Variants in SLC25A13 observed in about 807,000 individuals in gnomAD.
SLC25A13 encodes solute carrier family 25 member 13.
Under a neutral mutation model 85.5 loss-of-function variants are expected in SLC25A13, and 70 were observed. That is an observed-to-expected ratio of 0.82 (90% CI 0.68 to 1.00). SLC25A13 has a LOEUF of 1.00. Among genes scored for constraint, SLC25A13 ranks in the 50% least tolerant of loss-of-function variants. The pLI, the probability that SLC25A13 is intolerant of heterozygous loss-of-function variation, is 0.00. For missense variants in SLC25A13, 765 were observed against 819.8 expected (o/e 0.93, Z 0.82); for synonymous variants, 259 against 288.7 (o/e 0.90, Z 1.04).
intron 4 of SLC25A13, among the ~76,000 whole-genome samples, chr7:96,220,782 C>G (rs1011421524): frequency 6.6e-6 from 1 of 152,150 alleles, no homozygotes; most frequent in Non-Finnish European, 1.5e-5. Flanking sequence ...CATACACACA[C>G]ACACATGCAC....
intron 5 of SLC25A13, among the ~76,000 whole-genome samples, chr7:96,200,779 T>A (rs1035340606): frequency 6.6e-6 from 1 of 152,196 alleles, no homozygotes; most frequent in Non-Finnish European, 1.5e-5. Flanking sequence ...AGATGCTGTA[T>A]AGAGTGTTCA....
Position 96,189,311 on chromosome 7 carries a change from C to A in SLC25A13, c.916G>T (p.Ala306Ser). 1 of 1,614,070 alleles carries A rather than the reference C, an allele frequency of 6.2e-7. No individual in the cohort carries two copies. Among genetic ancestry groups the A allele is most frequent in the Non-Finnish European group, 8.5e-7 (1 of 1,179,998 alleles). The change falls in exon 9 of 18, where the codon GCT becomes TCT. Residue 306 changes from alanine to serine, a missense_variant. Coordinates refer to ENST00000265631, the MANE Select transcript of SLC25A13 (RefSeq NM_014251.3). ...TTGCTCACCTGCCTCTGGGCCTCAG[C>A]CAAGTTAAAGGGCAGAGTTCCCTCT... ...LEEGTLPFNL[A>S]EAQRQKASGD...
rs1376232413 is a variant in SLC25A13 at position 96,322,087 on chromosome 7, C to G, written c.-131G>C. On this transcript the variant is annotated 5_prime_UTR_variant, in exon 1 of 18. Transcript: ENST00000265631. ...GCGATACGGCCAGGCAGCGTGCGTTCCTGGCCTGCCTCCCCACGCCCTCCC... is the reference window on the plus strand; with the variant it reads ...GCGATACGGCCAGGCAGCGTGCGTTGCTGGCCTGCCTCCCCACGCCCTCCC... The G allele has an allele frequency of 7.9e-6, 10 of 1,272,166 alleles. No homozygotes were observed. The highest frequency in any genetic ancestry group is 6.2e-5 in the Admixed American group (3 of 48,066). 78.8% of individuals were successfully genotyped at this position (1,272,166 alleles called of 1,614,324 possible).
At chr7:96,170,222 A>C (rs1793942427) in intron 12 of SLC25A13, 97 bp from the exon 13 acceptor site, 3 of 1,089,140 alleles carry the variant, frequency 2.8e-6, no homozygotes, top group Non-Finnish European at 4.2e-6. Context: ...ATTTTTTTCT[A>C]TCAGTCTATT....
At chr7:96,241,553 G>C (rs1796999331) in intron 3 of SLC25A13, among the ~76,000 whole-genome samples, 1 of 152,026 alleles carries the variant, frequency 6.6e-6, no homozygotes, top group Admixed American at 6.5e-5. Context: ...CTTAAAAATG[G>C]ACAATAATAT....
At chr7:96,210,575 A>C (rs962285168) in intron 4 of SLC25A13, among the ~76,000 whole-genome samples, 3 of 152,186 alleles carry the variant, frequency 2.0e-5, no homozygotes, top group Admixed American at 2.0e-4. Context: ...TAAGTCCCTT[A>C]ATATCTTAAA....
rs1042384328 is a variant in SLC25A13 at position 96,306,716 on chromosome 7, C to G, written c.16-9765G>C. On this transcript the variant is annotated intron_variant, in intron 1 of 17. Coordinates refer to ENST00000265631, the MANE Select transcript of SLC25A13 (RefSeq NM_014251.3). ...GCCAAACGGTGAGCTTAGTCCCATCCACTTCCATCTTCTCTTTTGTGCCCT... is the reference window on the plus strand; with the variant it reads ...GCCAAACGGTGAGCTTAGTCCCATCGACTTCCATCTTCTCTTTTGTGCCCT... 6 of 948,914 alleles carry G rather than the reference C, an allele frequency of 6.3e-6. No individual in the cohort carries two copies. The Admixed American group carries it at 1.3e-4, about 20-fold the overall frequency. 58.8% of individuals were successfully genotyped at this position (948,914 alleles called of 1,614,324 possible). A position where few individuals can be genotyped will look rare whatever the true frequency, so the allele number is the denominator to read the frequency against.
In SLC25A13 at chr7:96,185,014, G is replaced by A. The variant is rs767051127; in HGVS notation, c.934-3C>T. On this transcript the variant is annotated splice_polypyrimidine_tract_variant and splice_region_variant and intron_variant, in intron 9 of 17. Coordinates refer to ENST00000265631, the MANE Select transcript of SLC25A13 (RefSeq NM_014251.3). ...CGAGCTGAATCACCTGAGGCCTTCT[G>A]CTTTGCATGCACAGGAATCAGAGAG... The A allele has an allele frequency of 1.0e-4, 162 of 1,611,808 alleles. 1 individual carries two copies. Among genetic ancestry groups the A allele is most frequent in the Non-Finnish European group, 1.3e-4 (157 of 1,179,032 alleles).
intron 4 of SLC25A13, chr7:96,219,536 C>G (rs1431506929): frequency 2.8e-6 from 1 of 357,476 alleles, no homozygotes; most frequent in Non-Finnish European, 5.7e-6. Context: ...CCCCTCTGGG[C>G]CTGTTTCCTC....
intron 5 of SLC25A13, among the ~76,000 whole-genome samples, chr7:96,205,612 C>T (rs1795429411): frequency 1.3e-5 from 2 of 152,178 alleles, no homozygotes; most frequent in South Asian, 4.1e-4. Context: ...CTGCCACTTG[C>T]TTCAATGTTA....
chr7:96,128,921 G>A (rs1353753236), intron 15 of SLC25A13, among the ~76,000 whole-genome samples: 1 of 139,706 alleles, frequency 7.2e-6, no homozygotes, highest in Non-Finnish European at 1.5e-5. Flanking sequence ...AGAAGACACT[G>A]CAGCTTCTGC....
At chr7:96,140,397 CTTTTTTTTT>C (rs59863233) in intron 14 of SLC25A13, among the ~76,000 whole-genome samples, 1 of 88,128 alleles carries the variant, frequency 1.1e-5, no homozygotes, top group East Asian at 3.5e-4. Context: ...CAAGGATCTC[CTTTTTTTTT>C]TTTTTTTTTT....
rs1028304408 is a variant in SLC25A13 at position 96,120,728 on chromosome 7, T to C, written c.*463A>G. The C allele has an allele frequency of 2.2e-6, 1 of 454,146 alleles. No individual in the cohort carries two copies. Among genetic ancestry groups the C allele is most frequent in the Non-Finnish European group, 4.4e-6 (1 of 226,874 alleles). 28.1% of individuals were successfully genotyped at this position (454,146 alleles called of 1,614,324 possible). Reference sequence around the variant, plus strand: ...ACAATTTGAAGCCAGGCTGAATATATTTGATATATATTTTTTCATTTCTCC... The same window carrying C: ...ACAATTTGAAGCCAGGCTGAATATACTTGATATATATTTTTTCATTTCTCC... On this transcript the variant is annotated 3_prime_UTR_variant, in exon 18 of 18. Transcript: ENST00000265631.
intron 13 of SLC25A13, among the ~76,000 whole-genome samples, chr7:96,150,268 C>G (rs1483857948): frequency 6.6e-6 from 1 of 151,912 alleles, no homozygotes; most frequent in Non-Finnish European, 1.5e-5. Flanking sequence ...AAAGTTTGTC[C>G]TAGAACTGCA....
chr7:96,155,436 T>C (rs919463282), intron 13 of SLC25A13, among the ~76,000 whole-genome samples: 3 of 152,220 alleles, frequency 2.0e-5, no homozygotes, highest in Admixed American at 1.3e-4. Flanking sequence ...GGTTTTCCTA[T>C]GCAGTAGATT....
chr7:96,152,095 A>T (rs1793073689), intron 13 of SLC25A13, among the ~76,000 whole-genome samples: 1 of 152,210 alleles, frequency 6.6e-6, no homozygotes, highest in Non-Finnish European at 1.5e-5. Flanking sequence ...CCAGCGGCAC[A>T]CTTACAGTTC....
intron 15 of SLC25A13, among the ~76,000 whole-genome samples, chr7:96,129,110 C>T (rs1791892078): frequency 6.6e-6 from 1 of 152,096 alleles, no homozygotes. Flanking sequence ...TTGAAAGTGG[C>T]TTCTCCAATG....
chr7:96,148,639 A>G (rs1214460015), intron 13 of SLC25A13, among the ~76,000 whole-genome samples: 1 of 152,214 alleles, frequency 6.6e-6, no homozygotes, highest in African/African-American at 2.4e-5. Context: ...AATTGCTGAG[A>G]AAGATTCACC....
intron 13 of SLC25A13, among the ~76,000 whole-genome samples, chr7:96,154,503 G>A (rs555807337): frequency 6.6e-6 from 1 of 152,186 alleles, no homozygotes; most frequent in East Asian, 1.9e-4. Flanking sequence ...CACTAAGTTG[G>A]CCAGGATGGT....
Sources: allele counts gnomAD v4.1 joint callset (sites outside exome capture counted in the v4.1 genomes callset), GRCh38; gene constraint gnomAD v4.1.1; transcripts MANE v1.5; gene names NCBI Gene and HGNC (gene_info 2026-07-23, HGNC 2026-07-21).